Variants in RNFT2 observed in about 807,000 individuals in gnomAD.
The protein encoded by RNFT2 is E3 ubiquitin-protein ligase RNFT2.
A neutral mutation model predicts 53.0 loss-of-function variants in RNFT2; 36 were observed. The ratio of observed to expected loss-of-function variants is 0.68; its 90% confidence interval spans 0.52 to 0.90. The LOEUF (loss-of-function observed/expected upper bound fraction) is 0.90, where lower values mean the gene tolerates loss of function less well. Among genes scored for constraint, RNFT2 ranks in the 40% least tolerant of loss-of-function variants. RNFT2 has a pLI of 0.00. For synonymous variants in RNFT2, 260 were observed against 253.2 expected, an observed-to-expected ratio of 1.03 and a Z score of -0.26; for missense variants, 514 against 585.6, an observed-to-expected ratio of 0.88 and a Z score of 1.26.
At chr12:116,769,164 C>T (rs1246973021) in intron 6 of RNFT2, among the ~76,000 whole-genome samples, 1 of 152,020 alleles carries the variant, frequency 6.6e-6, no homozygotes, top group African/African-American at 2.4e-5. Context: ...TCAAGACCAC[C>T]CTGGCCAAGA....
chr12:116,844,608 A>G (rs1162787653), intron 10 of RNFT2, among the ~76,000 whole-genome samples: 1 of 152,240 alleles, frequency 6.6e-6, no homozygotes. Context: ...ATATAGACAA[A>G]TTTAAACCAC....
intron 6 of RNFT2, among the ~76,000 whole-genome samples, chr12:116,778,130 C>T (rs1447946669): frequency 6.6e-6 from 1 of 152,022 alleles, no homozygotes; most frequent in Non-Finnish European, 1.5e-5. Flanking sequence ...TCTTTTCTTC[C>T]CTCCTTTCTT....
intron 7 of RNFT2, 117 bp downstream of exon 7, chr12:116,779,465 T>C (rs1873593428): frequency 6.3e-6 from 7 of 1,110,214 alleles, no homozygotes; most frequent in Middle Eastern, 2.9e-4. Context: ...GCATATAAAA[T>C]AAACAGAGCC....
Position 116,836,363 on chromosome 12 carries a change from T to C in RNFT2, c.1200+81T>C, listed in dbSNP as rs1221973058. The C allele has an allele frequency of 2.6e-5, 31 of 1,195,594 alleles. No individual in the cohort carries two copies. The Admixed American group carries it at 5.6e-4, about 22-fold the overall frequency. The allele number at this position is 1,195,594 out of a possible 1,614,324, so 74.1% of individuals were successfully genotyped here. On this transcript the variant is annotated intron_variant, in intron 10 of 10. Coordinates refer to ENST00000257575, the MANE Select transcript of RNFT2 (RefSeq NM_001382266.1). ...CTTCCCCATGGGCAGTCCTCGGGTC[T>C]CTGGCATGGGTCTCTGGGGGGCAAT...
At chr12:116,829,269 A>G (rs1437408455) in intron 7 of RNFT2, among the ~76,000 whole-genome samples, 1 of 152,164 alleles carries the variant, frequency 6.6e-6, no homozygotes, top group Non-Finnish European at 1.5e-5. Flanking sequence ...CCATTGGTCC[A>G]GCATCCATCA....
rs775478129 is a variant in RNFT2, at chr12:116,850,620, C to CTTTTTTCTTTTTTTTTTTTTTTTTTT, written c.*1178_*1179insCTTTTTTTTTTTTTTTTTTTTTTTTT. ...TGTGAAGTATTTTTTCTTTTCTTTT[C>CTTTTTTCTTTTTTTTTTTTTTTTTTT]TTTTTTTTTTTTTTTTTGTTGTTGT... On this transcript the variant is annotated 3_prime_UTR_variant, in exon 11 of 11. Transcript: ENST00000257575. 7.6e-6 allele frequency: 1 copy of CTTTTTTCTTTTTTTTTTTTTTTTTTT among 131,030 alleles called. No individual in the cohort carries two copies. The highest frequency in any genetic ancestry group is 3.0e-5 in the African/African-American group (1 of 33,678). 8.1% of individuals were successfully genotyped at this position (131,030 alleles called of 1,614,324 possible).
At chr12:116,748,310 C>T (rs557508736) in intron 3 of RNFT2, among the ~76,000 whole-genome samples, 3 of 152,316 alleles carry the variant, frequency 2.0e-5, no homozygotes, top group East Asian at 1.9e-4. Context: ...GGCCTAACTC[C>T]GGGCTCTCTG....
Position 116,851,444 on chromosome 12 carries a change from A to G in RNFT2, c.*1996A>G. 2.6e-6 allele frequency: 1 copy of G among 379,278 alleles called. No individual in the cohort carries two copies. Among genetic ancestry groups the G allele is most frequent in the Non-Finnish European group, 4.9e-6 (1 of 204,094 alleles). The allele number at this position is 379,278 out of a possible 1,614,324, so 23.5% of individuals were successfully genotyped here. A position where few individuals can be genotyped will look rare whatever the true frequency, so the allele number is the denominator to read the frequency against. On this transcript the variant is annotated 3_prime_UTR_variant, in exon 11 of 11. Transcript: ENST00000257575. ...GGGGCCCAGCAGACACGGTCTTCTA[A>G]AAGCACACGAGAGGCCGGGTGTGGT... is the stretch of plus-strand genomic sequence containing the variant.
Position 116,851,829 on chromosome 12 carries a change from G to T in RNFT2, c.*2381G>T. 1.6e-6 allele frequency: 2 copies of T among 1,288,016 alleles called. No individual in the cohort carries two copies. The highest frequency in any genetic ancestry group is 2.2e-6 in the Non-Finnish European group (2 of 920,082). 79.8% of individuals were successfully genotyped at this position (1,288,016 alleles called of 1,614,324 possible). ...AAAGGTCAGCTTTGGCCCAGATGTG[G>T]TTACCCCTTGGTCTCCTGTCTTTAT... On this transcript the variant is annotated 3_prime_UTR_variant, in exon 11 of 11. Transcript: ENST00000257575.
intron 3 of RNFT2, among the ~76,000 whole-genome samples, chr12:116,744,953 C>G (rs750442598): frequency 6.6e-6 from 1 of 152,098 alleles, no homozygotes; most frequent in Non-Finnish European, 1.5e-5. Flanking sequence ...TGCCAGGGCT[C>G]TTGCTTTCTG....
At chr12:116,845,741 C>A (rs1490112083) in intron 10 of RNFT2, among the ~76,000 whole-genome samples, 2 of 152,054 alleles carry the variant, frequency 1.3e-5, no homozygotes, top group Non-Finnish European at 2.9e-5. Context: ...CCCTCCAGAC[C>A]ATGATGAGAA....
intron 5 of RNFT2, among the ~76,000 whole-genome samples, chr12:116,763,739 A>G (rs1403425662): frequency 6.8e-6 from 1 of 147,420 alleles, no homozygotes; most frequent in African/African-American, 2.5e-5. Flanking sequence ...AGATCGCGCC[A>G]CTGCACTCCA....
intron 4 of RNFT2, among the ~76,000 whole-genome samples, chr12:116,750,787 A>G (rs564606322): frequency 3.2e-4 from 39 of 120,136 alleles, no homozygotes; most frequent in East Asian, 2.8e-3. Context: ...TTTTTACTAT[A>G]TGTGTGTGTG....
rs141314072 is a variant in RNFT2 at position 116,739,206 on chromosome 12, A to G, written c.-154+836A>G. Among the ~76,000 whole-genome samples, 165 of 152,368 alleles carry G rather than the reference A, an allele frequency of 1.1e-3. 2 individuals are homozygous for G. The East Asian group carries it at 0.024, about 22-fold the overall frequency. ...ATTGGCTCTGCCTCCAGAGACAAGA[A>G]GATATTCACGGAGGCTAAACCTTTT... On this transcript the variant is annotated intron_variant, in intron 1 of 10. Coordinates refer to ENST00000257575, the MANE Select transcript of RNFT2 (RefSeq NM_001382266.1).
rs1469070380 is a variant in RNFT2 at position 116,766,841 on chromosome 12, T to C, written c.655T>C (p.Trp219Arg). 1 of 1,598,096 alleles carries C rather than the reference T, an allele frequency of 6.3e-7. No individual in the cohort carries two copies. Among genetic ancestry groups the C allele is most frequent in the Non-Finnish European group, 8.5e-7 (1 of 1,172,036 alleles). ...GAAGAGGTCAGTGCTGGTCATCTTG[T>C]GGATCCTGGCCTTTCTGGCGGGGAA... ...KEKRSVLVIL[W>R]ILAFLAGNTL... The change falls in exon 6 of 11, where the codon TGG (tryptophan) becomes CGG (arginine). Residue 219 changes from tryptophan to arginine, a missense_variant. Trp to Arg is a moderately radical substitution (Grantham distance 101). Transcript: ENST00000257575.
chr12:116,843,208 G>A (rs1004896588), intron 10 of RNFT2, among the ~76,000 whole-genome samples: 1 of 151,978 alleles, frequency 6.6e-6, no homozygotes, highest in South Asian at 2.1e-4. Context: ...ACAATCCAAG[G>A]CCAGCTGGGC....
intron 6 of RNFT2, among the ~76,000 whole-genome samples, chr12:116,770,283 T>C (rs1209324243): frequency 1.3e-5 from 2 of 152,236 alleles, no homozygotes; most frequent in African/African-American, 4.8e-5. Context: ...TGTGTTATAA[T>C]TGTCTATAGT....
chr12:116,787,108 T>C lies in RNFT2; in HGVS notation c.882+7760T>C, dbSNP rs370612079. ...TCACATTCACAGCTTCCTGGTATCC[T>C]TGAGTGGCCGTTATTTCCTTTACTA... On this transcript the variant is annotated intron_variant, in intron 7 of 10. Transcript: ENST00000257575. 2.6e-5 allele frequency among the ~76,000 whole-genome samples: 4 copies of C among 152,352 alleles called. No homozygotes were observed. The South Asian group carries it at 6.2e-4, about 24-fold the overall frequency.
chr12:116,852,139 GCCCTATTCCTC>G lies in RNFT2; in HGVS notation c.*2693_*2703del. ...CGCAGAAGCCACCAGAATCTTGCCT[GCCCTATTCCTC>G]CTCCCAAGTCTGTTCTCTTATTGTC... On this transcript the variant is annotated 3_prime_UTR_variant, in exon 11 of 11. Transcript: ENST00000257575. 1 of 1,027,288 alleles carries G rather than the reference GCCCTATTCCTC, an allele frequency of 9.7e-7. No individual in the cohort carries two copies. The highest frequency in any genetic ancestry group is 1.3e-6 in the Non-Finnish European group (1 of 742,388). The allele number at this position is 1,027,288 out of a possible 1,614,324, so 63.6% of individuals were successfully genotyped here.
Sources: allele counts gnomAD v4.1 joint callset (sites outside exome capture counted in the v4.1 genomes callset), GRCh38; gene constraint gnomAD v4.1.1; transcripts MANE v1.5; gene names NCBI Gene and HGNC (gene_info 2026-07-23, HGNC 2026-07-21).